The following LINS1 variants were observed in gnomAD, a reference collection of about 807,000 sequenced individuals.
LINS1 encodes lines homolog 1.
Under a neutral mutation model 41.6 loss-of-function variants are expected in LINS1, and 27 were observed. The observed-to-expected ratio is 0.65, with a 90% confidence interval of 0.48 to 0.89. The LOEUF (loss-of-function observed/expected upper bound fraction) is 0.89. Ranked by LOEUF, LINS1 falls within the 40% of genes least tolerant of loss-of-function variation. The pLI is 0.00. For missense variants in LINS1, 955 were observed against 884.1 expected (o/e 1.08, Z -1.02); for synonymous variants, 336 against 312.9 (o/e 1.07, Z -0.78).
intron 4 of LINS1, 24 bp from the exon 5 acceptor site, chr15:100,574,265 A>T (rs2038025128): frequency 7.0e-7 from 1 of 1,431,606 alleles, no homozygotes; most frequent in African/African-American, 1.4e-5. Context: ...AATAGGAATT[A>T]TAAACAGGAA....
At chr15:100,578,148 G>A (rs1159898148) in intron 3 of LINS1, among the ~76,000 whole-genome samples, 1 of 152,024 alleles carries the variant, frequency 6.6e-6, no homozygotes, top group Non-Finnish European at 1.5e-5. Context: ...CAAAAGCAAT[G>A]GCAACAAAAG....
At chr15:100,585,580 T>C (rs1336275153) in intron 1 of LINS1, among the ~76,000 whole-genome samples, 10 of 152,198 alleles carry the variant, frequency 6.6e-5, no homozygotes, top group African/African-American at 1.9e-4. Context: ...CACTGGATTA[T>C]CTATTGCGGC....
At chr15:100,588,079 A>G (rs1253833373) in intron 1 of LINS1, among the ~76,000 whole-genome samples, 1 of 152,220 alleles carries the variant, frequency 6.6e-6, no homozygotes, top group Admixed American at 6.5e-5. Context: ...ATAAAGTTTT[A>G]ATTAATACAA....
chr15:100,570,941 A>T (rs1314291188), intron 6 of LINS1, among the ~76,000 whole-genome samples: 1 of 152,262 alleles, frequency 6.6e-6, no homozygotes, highest in East Asian at 1.9e-4. Context: ...ACACAAAGTC[A>T]GTTTCATTCA....
At chr15:100,573,322 A>G in intron 5 of LINS1, 2 of 1,081,380 alleles carry the variant, frequency 1.8e-6, no homozygotes, top group Non-Finnish European at 2.3e-6. Context: ...ATTAAAAAAA[A>G]AAAAAGGATT....
At chr15:100,584,246 A>G (rs545884030) in intron 1 of LINS1, among the ~76,000 whole-genome samples, 11 of 152,208 alleles carry the variant, frequency 7.2e-5, no homozygotes, top group African/African-American at 2.6e-4. Flanking sequence ...AACAAATGGA[A>G]TTACTTTTAT....
At chr15:100,576,215 A>C (rs1487429076) in intron 3 of LINS1, among the ~76,000 whole-genome samples, 1 of 152,160 alleles carries the variant, frequency 6.6e-6, no homozygotes, top group Non-Finnish European at 1.5e-5. Flanking sequence ...AAAACCCTTC[A>C]AAAAATCAAT....
intron 1 of LINS1, among the ~76,000 whole-genome samples, chr15:100,590,128 A>G (rs762668746): frequency 1.3e-5 from 2 of 152,210 alleles, no homozygotes; most frequent in Non-Finnish European, 2.9e-5. Context: ...CCAGAAGAAC[A>G]TGGCATCCTT....
intron 3 of LINS1, among the ~76,000 whole-genome samples, chr15:100,577,704 CTG>C (rs2038267151): frequency 6.6e-6 from 1 of 152,174 alleles, no homozygotes; most frequent in Non-Finnish European, 1.5e-5. Context: ...AAAAAAGAGC[CTG>C]CATTGCCAAG....
At chr15:100,577,268 C>T (rs545883002) in intron 3 of LINS1, among the ~76,000 whole-genome samples, 2 of 152,154 alleles carry the variant, frequency 1.3e-5, no homozygotes, top group Non-Finnish European at 2.9e-5. Context: ...GATTGTATAT[C>T]TAGAAAACCC....
intron 1 of LINS1, chr15:100,586,477 T>C (rs1411590355): frequency 6.6e-6 from 1 of 152,242 alleles, no homozygotes; most frequent in Non-Finnish European, 1.5e-5. Flanking sequence ...GAAGTATGTT[T>C]CTAAATTGTG....
intron 6 of LINS1, among the ~76,000 whole-genome samples, chr15:100,571,192 G>A (rs1699112): frequency 6.6e-6 from 1 of 152,146 alleles, no homozygotes; most frequent in Non-Finnish European, 1.5e-5. Context: ...GCGGCACAAC[G>A]CTGCACCACA....
At position 100,580,556 on chromosome 15, in the gene LINS1, A is replaced by C. The variant is rs2038479599; in HGVS notation, c.287T>G (p.Ile96Ser). The C allele has an allele frequency of 6.2e-7, 1 of 1,613,902 alleles. No individual in the cohort carries two copies. ...CAATATCCGGGTTGTCATCACTTTG[A>C]TCACTGTTAACTGAAGGAGCATTAC... is the stretch of plus-strand genomic sequence containing the variant. The part of the protein sequence containing the change: ...REVMLLQLTV[I>S]KVMTTRILSV... Residue 96 changes from isoleucine to serine, a missense_variant, in exon 2 of 7, where the codon ATC (isoleucine) becomes AGC (serine). Coordinates refer to ENST00000314742, the MANE Select transcript of LINS1 (RefSeq NM_001040616.3).
intron 1 of LINS1, among the ~76,000 whole-genome samples, chr15:100,590,675 C>T (rs1187249069): frequency 6.6e-6 from 1 of 152,220 alleles, no homozygotes; most frequent in Non-Finnish European, 1.5e-5. Flanking sequence ...ATCTGTGCAG[C>T]TGCTGGCACT....
At chr15:100,588,006 T>C (rs900820516) in intron 1 of LINS1, among the ~76,000 whole-genome samples, 24 of 152,240 alleles carry the variant, frequency 1.6e-4, no homozygotes, top group African/African-American at 5.3e-4. Flanking sequence ...AGTCAGACAC[T>C]GGCCTCTCTC....
chr15:100,571,632 G>C (rs1452292368), intron 6 of LINS1, among the ~76,000 whole-genome samples: 1 of 152,164 alleles, frequency 6.6e-6, no homozygotes, highest in African/African-American at 2.4e-5. Flanking sequence ...GAAGTGTACT[G>C]ACTTACTGGA....
intron 1 of LINS1, among the ~76,000 whole-genome samples, chr15:100,586,684 G>C (rs2038814321): frequency 6.6e-6 from 1 of 152,152 alleles, no homozygotes; most frequent in South Asian, 2.1e-4. Flanking sequence ...AGTTAGTTCA[G>C]ATACAGATTT....
intron 1 of LINS1, among the ~76,000 whole-genome samples, chr15:100,598,660 G>A (rs1399283598): frequency 6.6e-6 from 1 of 152,228 alleles, no homozygotes; most frequent in African/African-American, 2.4e-5. Context: ...TCTTTTTGCT[G>A]TGATGACCAA....
At chr15:100,587,978 G>A (rs943596033) in intron 1 of LINS1, among the ~76,000 whole-genome samples, 1 of 152,192 alleles carries the variant, frequency 6.6e-6, no homozygotes, top group Non-Finnish European at 1.5e-5. Context: ...GCCGGCAAAA[G>A]GGCAAGAATT....
Sources: gnomAD v4.1 joint callset for allele counts (sites outside exome capture counted in the v4.1 genomes callset) on GRCh38, gnomAD v4.1.1 for gene constraint, MANE v1.5 for transcripts, NCBI Gene and HGNC (gene_info 2026-07-23, HGNC 2026-07-21) for gene names.